The following ESRRG variants were observed in gnomAD, a reference collection of about 807,000 sequenced individuals.
ESRRG encodes estrogen-related receptor gamma.
In ESRRG, 13 loss-of-function variants were observed where a neutral mutation model predicts 44.0. The ratio of observed to expected loss-of-function variants is 0.30; its 90% CI spans 0.19 to 0.47. The LOEUF is 0.47. ESRRG is among the 20% of genes least tolerant of loss of function. The pLI, the probability that ESRRG is intolerant of heterozygous loss-of-function variation, is 1.00. For missense variants in ESRRG, 395 were observed against 580.6 expected, an observed-to-expected ratio of 0.68 and a Z score of 3.29; for synonymous variants, 215 against 214.6, an observed-to-expected ratio of 1.00 and a Z score of -0.02.
At chr1:216,596,107 C>A (rs758792813) in intron 3 of ESRRG, among the ~76,000 whole-genome samples, 3 of 152,146 alleles carry the variant, frequency 2.0e-5, no homozygotes, top group Non-Finnish European at 4.4e-5. Flanking sequence ...CTGAGAAAGT[C>A]GAATGAGGAA....
intron 1 of ESRRG, among the ~76,000 whole-genome samples, chr1:217,094,837 G>A (rs2092399244): frequency 6.6e-6 from 1 of 152,200 alleles, no homozygotes; most frequent in South Asian, 2.1e-4. Context: ...CTCTGGGAAA[G>A]TAGGCAGCCA....
intron 2 of ESRRG, among the ~76,000 whole-genome samples, chr1:216,807,650 G>T (rs1188995258): frequency 6.6e-6 from 1 of 152,002 alleles, no homozygotes; most frequent in Non-Finnish European, 1.5e-5. Flanking sequence ...TGTTAGACGG[G>T]AGAGAACAGT....
At chr1:217,051,921 A>G (rs1010530974) in intron 1 of ESRRG, among the ~76,000 whole-genome samples, 1 of 150,382 alleles carries the variant, frequency 6.6e-6, no homozygotes, top group African/African-American at 2.5e-5. Flanking sequence ...ACACCACCAC[A>G]CCCAGATAAT....
chr1:217,025,569 T>C (rs577743355), intron 1 of ESRRG, among the ~76,000 whole-genome samples: 1 of 152,216 alleles, frequency 6.6e-6, no homozygotes, highest in Non-Finnish European at 1.5e-5. Flanking sequence ...ATTTTAGTCA[T>C]TTTAGCATGC....
chr1:216,814,775 C>T (rs1047639837), intron 2 of ESRRG, among the ~76,000 whole-genome samples: 14 of 152,122 alleles, frequency 9.2e-5, no homozygotes, highest in African/African-American at 3.4e-4. Context: ...TGGATAGTTT[C>T]AGAAACATAC....
intron 1 of ESRRG, among the ~76,000 whole-genome samples, chr1:217,048,698 G>A (rs954196164): frequency 3.3e-5 from 5 of 152,160 alleles, no homozygotes; most frequent in African/African-American, 1.2e-4. Flanking sequence ...GGAGAGACTA[G>A]GATATGATGT....
At chr1:216,705,538 C>T (rs1430882433) in intron 1 of ESRRG, among the ~76,000 whole-genome samples, 2 of 152,084 alleles carry the variant, frequency 1.3e-5, no homozygotes, top group Non-Finnish European at 2.9e-5. Flanking sequence ...CTGGAATTGC[C>T]CATATTTGAA....
At chr1:216,529,633 T>C (rs1159567981) in intron 5 of ESRRG, among the ~76,000 whole-genome samples, 2 of 152,162 alleles carry the variant, frequency 1.3e-5, no homozygotes, top group Non-Finnish European at 2.9e-5. Flanking sequence ...TTGGCACTTC[T>C]GCCTTCCTTT....
rs753498068 is a variant in ESRRG at position 216,506,446 on chromosome 1, G to T, written c.*493C>A. 1.5e-4 allele frequency: 48 copies of T among 327,550 alleles called. No homozygotes were observed. The highest frequency in any genetic ancestry group is 2.5e-4 in the Non-Finnish European group (43 of 169,138). The allele number at this position is 327,550 out of a possible 1,614,324, so 20.3% of individuals were successfully genotyped here. ...AAAAGAAAGATGGAAAGAAGGTCAAGAGGAAAGGAAAGGAAAGGGAAAAGG... is the reference window on the plus strand; with the variant it reads ...AAAAGAAAGATGGAAAGAAGGTCAATAGGAAAGGAAAGGAAAGGGAAAAGG... On this transcript the variant is annotated 3_prime_UTR_variant, in exon 7 of 7. Transcript: ENST00000408911.
chr1:217,059,957 T>C (rs1167110523), intron 1 of ESRRG, among the ~76,000 whole-genome samples: 1 of 152,098 alleles, frequency 6.6e-6, no homozygotes, highest in East Asian at 1.9e-4. Context: ...GTGACAAATG[T>C]ATTTTTTAAA....
At chr1:216,832,851 C>A (rs990945627) in intron 2 of ESRRG, among the ~76,000 whole-genome samples, 5 of 152,040 alleles carry the variant, frequency 3.3e-5, no homozygotes, top group Non-Finnish European at 7.3e-5. Flanking sequence ...TGATGTGTGC[C>A]TGTAATCCCA....
chr1:216,537,479 G>A (rs2051330738), intron 5 of ESRRG, among the ~76,000 whole-genome samples: 3 of 152,082 alleles, frequency 2.0e-5, no homozygotes, highest in African/African-American at 7.2e-5. Context: ...ACCAAAGAAG[G>A]AGCCTTCTTG....
chr1:216,994,616 G>C (rs1374822304), intron 1 of ESRRG, among the ~76,000 whole-genome samples: 4 of 151,994 alleles, frequency 2.6e-5, no homozygotes, highest in African/African-American at 4.8e-5. Context: ...ACTCCTCTCT[G>C]TATCGCCCAG....
chr1:216,776,072 A>G (rs941525272), intron 2 of ESRRG, among the ~76,000 whole-genome samples: 9 of 152,022 alleles, frequency 5.9e-5, no homozygotes, highest in Non-Finnish European at 1.2e-4. Context: ...TCACTCCTCT[A>G]TGTAAATCCC....
chr1:217,132,044 C>G (rs1461657764), intron 1 of ESRRG, among the ~76,000 whole-genome samples: 1 of 152,184 alleles, frequency 6.6e-6, no homozygotes, highest in Non-Finnish European at 1.5e-5. Context: ...TCTGGAGTTG[C>G]TGACCCAAGA....
rs533808202 is a variant in ESRRG at position 216,719,386 on chromosome 1, C to T, written c.56+3858G>A. 3.9e-5 allele frequency among the ~76,000 whole-genome samples: 6 copies of T among 151,944 alleles called. No individual in the cohort carries two copies. The East Asian group carries it at 9.6e-4, about 24-fold the overall frequency. ...CTGGCTCAATATTTTACAAAAATGCCTGAAGTGTTATTAACTAAGTAAGAA... is the reference window on the plus strand; with the variant it reads ...CTGGCTCAATATTTTACAAAAATGCTTGAAGTGTTATTAACTAAGTAAGAA... On this transcript the variant is annotated intron_variant, in intron 1 of 6. Coordinates refer to ENST00000408911, the MANE Select transcript of ESRRG (RefSeq NM_001438.4).
intron 2 of ESRRG, among the ~76,000 whole-genome samples, chr1:216,830,912 A>C (rs2095476947): frequency 6.6e-6 from 1 of 152,164 alleles, no homozygotes; most frequent in Non-Finnish European, 1.5e-5. Flanking sequence ...CAGTAAACTG[A>C]AATGTCATAA....
At chr1:216,991,285 T>C (rs2075656348) in intron 1 of ESRRG, among the ~76,000 whole-genome samples, 1 of 152,152 alleles carries the variant, frequency 6.6e-6, no homozygotes, top group South Asian at 2.1e-4. Flanking sequence ...ACTAATACTG[T>C]ACCATTGAAA....
At chr1:216,511,547 T>TCACACACACACACACACACCACACACA (rs79870471) in intron 6 of ESRRG, among the ~76,000 whole-genome samples, 7 of 144,828 alleles carry the variant, frequency 4.8e-5, no homozygotes, top group Non-Finnish European at 9.1e-5. Flanking sequence ...ATACATAAAT[T>TCACACACACACACACACACCACACACA]CACACACACA....
Sources: gnomAD v4.1 joint callset for allele counts (sites outside exome capture counted in the v4.1 genomes callset) on GRCh38, gnomAD v4.1.1 for gene constraint, MANE v1.5 for transcripts, NCBI Gene and HGNC (gene_info 2026-07-23, HGNC 2026-07-21) for gene names.